Variants in AKAP13 observed in about 807,000 individuals in gnomAD.
AKAP13 encodes the protein A-kinase anchor protein 13.
AKAP13 carries 80 observed loss-of-function variants against 264.5 expected under a neutral mutation model. The ratio of observed to expected loss-of-function variants is 0.30; its 90% confidence interval spans 0.25 to 0.36. The LOEUF is 0.36. AKAP13 is among the 10% of genes least tolerant of loss of function. The pLI is 1.00. For synonymous variants in AKAP13, 1,380 were observed against 1,250.2 expected, an observed-to-expected ratio of 1.10 and a Z score of -2.19; for missense variants, 3,712 against 3,435.2, an observed-to-expected ratio of 1.08 and a Z score of -2.01.
chr15:85,727,046 G>C lies in AKAP13; in HGVS notation c.6823-20G>C. On this transcript the variant is annotated intron_variant, in intron 27 of 36. Transcript: ENST00000394518. This position sits in a 1 kb window ranked among gnomAD's most constrained non-coding sequence, Gnocchi z 5.3. Reference sequence around the variant, plus strand: ...AATATTGTATATGTATCTTTTATTTGCCCTCTTCCCTTTTTCCAGGACCAG... The same window carrying C: ...AATATTGTATATGTATCTTTTATTTCCCCTCTTCCCTTTTTCCAGGACCAG... The C allele has an allele frequency of 6.2e-7, 1 of 1,613,408 alleles. No individual in the cohort carries two copies. The highest frequency in any genetic ancestry group is 8.5e-7 in the Non-Finnish European group (1 of 1,179,578).
At chr15:85,714,294 C>T (rs2086793097) in intron 19 of AKAP13, among the ~76,000 whole-genome samples, 1 of 152,036 alleles carries the variant, frequency 6.6e-6, no homozygotes, top group Admixed American at 6.6e-5. Context: ...ATTGAGTAGA[C>T]CAAGAAGGAA....
At chr15:85,703,998 G>T (rs1490389158) in intron 17 of AKAP13, among the ~76,000 whole-genome samples, 11 of 152,006 alleles carry the variant, frequency 7.2e-5, no homozygotes, top group Admixed American at 7.2e-4. Context: ...ATATTTAACT[G>T]TTTTTTGTTT....
At chr15:85,583,271 G>A in intron 7 of AKAP13, 2 of 794,198 alleles carry the variant, frequency 2.5e-6, no homozygotes, top group Non-Finnish European at 1.5e-6. Context: ...GGGTTATGGA[G>A]AGAAATGAAT....
At chr15:85,429,483 CT>C (rs2150921329) in intron 1 of AKAP13, among the ~76,000 whole-genome samples, 1 of 152,302 alleles carries the variant, frequency 6.6e-6, no homozygotes, top group East Asian at 1.9e-4. Context: ...CTATAGTACT[CT>C]TTGTTGACAT....
chr15:85,725,935 A>G (rs957638024), intron 26 of AKAP13, among the ~76,000 whole-genome samples: 4 of 152,056 alleles, frequency 2.6e-5, no homozygotes, highest in African/African-American at 9.7e-5. Context: ...AGACTTAGAT[A>G]TTTCTATACT....
rs1272875393 is a variant in AKAP13, at chr15:85,579,091, C to T, written c.1023C>T (p.Cys341=). The change falls in exon 7 of 37, where the codon TGC becomes TGT. Residue 341 remains cysteine (C), a synonymous_variant. Coordinates refer to ENST00000394518, the MANE Select transcript of AKAP13 (RefSeq NM_007200.5). ...SSSEETESTQ[C]CPGSPVAQTE... ...CTGAAGAGACTGAGAGCACTCAGTG[C>T]TGCCCAGGGAGCCCTGTTGCACAGA... is the stretch of plus-strand genomic sequence containing the variant. The T allele has an allele frequency of 3.7e-6, 6 of 1,614,198 alleles. No homozygotes were observed. The highest frequency in any genetic ancestry group is 5.1e-6 in the Non-Finnish European group (6 of 1,180,052).
chr15:85,569,643 G>A (rs2078739792), intron 5 of AKAP13, among the ~76,000 whole-genome samples: 1 of 151,828 alleles, frequency 6.6e-6, no homozygotes, highest in South Asian at 2.1e-4. Context: ...GGTAGAGAGG[G>A]GGTTTCGCCA....
intron 1 of AKAP13, among the ~76,000 whole-genome samples, chr15:85,412,636 T>G (rs2072032200): frequency 6.6e-6 from 1 of 152,198 alleles, no homozygotes; most frequent in Non-Finnish European, 1.5e-5. Flanking sequence ...ACAAAAGCTC[T>G]TTGGGATTCT....
intron 33 of AKAP13, among the ~76,000 whole-genome samples, chr15:85,740,000 G>C (rs1597237453): frequency 6.6e-6 from 1 of 152,254 alleles, no homozygotes; most frequent in East Asian, 1.9e-4. Flanking sequence ...AACTTGTGCT[G>C]ATGTTCCTCC....
chr15:85,642,453 A>G (rs964274846), intron 9 of AKAP13, among the ~76,000 whole-genome samples: 4 of 152,260 alleles, frequency 2.6e-5, no homozygotes, highest in African/African-American at 4.8e-5. Flanking sequence ...ACAAATAGGA[A>G]GAAAGAAAAG....
At position 85,727,299 on chromosome 15, in the gene AKAP13, T is replaced by G; in HGVS notation, c.7004+52T>G. 1.9e-6 allele frequency: 3 copies of G among 1,613,248 alleles called. No individual in the cohort carries two copies. Among genetic ancestry groups the G allele is most frequent in the Non-Finnish European group, 2.5e-6 (3 of 1,179,340 alleles). ...TCCCAGCCCTCCTGATGTCTCTGTG[T>G]GATTTCATAACAGGCTGGACTGTGA... On this transcript the variant is annotated intron_variant, in intron 28 of 36. Coordinates refer to ENST00000394518, the MANE Select transcript of AKAP13 (RefSeq NM_007200.5). This position sits in a 1 kb window ranked among gnomAD's most constrained non-coding sequence, Gnocchi z 5.3.
intron 13 of AKAP13, among the ~76,000 whole-genome samples, chr15:85,668,637 A>G (rs1458159638): frequency 1.3e-5 from 2 of 152,150 alleles, no homozygotes; most frequent in African/African-American, 2.4e-5. Context: ...TTGAATCTCA[A>G]TTTCCAATTA....
At chr15:85,633,005 A>G (rs1244731787) in intron 8 of AKAP13, among the ~76,000 whole-genome samples, 2 of 152,146 alleles carry the variant, frequency 1.3e-5, no homozygotes, top group East Asian at 1.9e-4. Context: ...AGCTGGGACT[A>G]CAGGCATGTG....
chr15:85,431,844 G>A (rs914719860), intron 1 of AKAP13, among the ~76,000 whole-genome samples: 4 of 152,158 alleles, frequency 2.6e-5, no homozygotes, highest in South Asian at 4.1e-4. Flanking sequence ...TCAACTCTAC[G>A]ATATAATCTG....
intron 7 of AKAP13, chr15:85,582,959 A>G: frequency 1.0e-6 from 1 of 985,448 alleles, no homozygotes; most frequent in Non-Finnish European, 1.2e-6. Context: ...CGAGGCAGCA[A>G]AGAGAAACCG....
intron 3 of AKAP13, among the ~76,000 whole-genome samples, chr15:85,521,985 C>A (rs1460491811): frequency 6.6e-6 from 1 of 152,126 alleles, no homozygotes; most frequent in Non-Finnish European, 1.5e-5. Context: ...AGCATAGATA[C>A]CGATTTCTTT....
intron 3 of AKAP13, among the ~76,000 whole-genome samples, 195 bp from the exon 4 acceptor site, chr15:85,533,389 G>T (rs1596458875): frequency 6.6e-6 from 1 of 152,280 alleles, no homozygotes; most frequent in Non-Finnish European, 1.5e-5. Context: ...ATTCATATTT[G>T]CAAATAATGT....
Position 85,718,968 on chromosome 15 carries a change from A to G in AKAP13, c.6002-108A>G. The G allele has an allele frequency of 6.8e-7, 1 of 1,463,264 alleles. No homozygotes were observed. The highest frequency in any genetic ancestry group is 2.3e-5 in the East Asian group (1 of 43,804). The allele number at this position is 1,463,264 out of a possible 1,614,324, so 90.6% of individuals were successfully genotyped here. A position where few individuals can be genotyped will look rare whatever the true frequency, so the allele number is the denominator to read the frequency against. On this transcript the variant is annotated intron_variant, in intron 22 of 36. Coordinates refer to ENST00000394518, the MANE Select transcript of AKAP13 (RefSeq NM_007200.5). This position sits in a 1 kb window ranked among gnomAD's most constrained non-coding sequence, Gnocchi z 4.9. ...AAAGATAGCTGTTGACCCAATTTTA[A>G]GGTTCAAATTGGGCTCTAAACTAGC...
At chr15:85,399,666 A>G (rs934850517) in intron 1 of AKAP13, among the ~76,000 whole-genome samples, 1 of 151,976 alleles carries the variant, frequency 6.6e-6, no homozygotes, top group Non-Finnish European at 1.5e-5. Context: ...AAACTCACGA[A>G]GCATCGTTAC....
Sources: allele counts gnomAD v4.1 joint callset (sites outside exome capture counted in the v4.1 genomes callset), GRCh38; gene constraint gnomAD v4.1.1; non-coding constraint Gnocchi (gnomAD v3.1); transcripts MANE v1.5; gene names NCBI Gene and HGNC (gene_info 2026-07-23, HGNC 2026-07-21).